The following SEC14L1 variants were observed in gnomAD, a reference collection of about 807,000 sequenced individuals.
SEC14L1 encodes SEC14 like lipid binding 1.
Under a neutral mutation model 85.3 loss-of-function variants are expected in SEC14L1, and 48 were observed. The observed-to-expected ratio is 0.56, with a 90% CI of 0.45 to 0.72. SEC14L1 has a LOEUF of 0.72. Among genes scored for constraint, SEC14L1 ranks in the 30% least tolerant of loss-of-function variants. The pLI is 0.00. For missense variants in SEC14L1, 682 were observed against 921.4 expected, an observed-to-expected ratio of 0.74 and a Z score of 3.36; for synonymous variants, 391 against 355.5, an observed-to-expected ratio of 1.10 and a Z score of -1.12.
At chr17:77,089,813 C>T (rs547506052) in intron 2 of SEC14L1, 10 of 195,728 alleles carry the variant, frequency 5.1e-5, no homozygotes, top group Admixed American at 1.3e-4. Flanking sequence ...GTCAGGAGTT[C>T]GAGACCAGTC....
At chr17:77,092,085 A>C (rs1199811108) in intron 2 of SEC14L1, among the ~76,000 whole-genome samples, 1 of 152,224 alleles carries the variant, frequency 6.6e-6, no homozygotes, top group East Asian at 1.9e-4. Flanking sequence ...CTGGGATTAC[A>C]GGCCTGAGCC....
rs374542568 is a variant in SEC14L1, at chr17:77,212,283, G to A, written c.1863+82G>A. ...CTGTCTTGAGTAGACTCTTTGCTTC[G>A]CTCCTTGAGCAGCCCTGTGTAGCTT... On this transcript the variant is annotated intron_variant, in intron 15 of 16. Coordinates refer to ENST00000436233, the MANE Select transcript of SEC14L1 (RefSeq NM_001143998.2). The A allele has an allele frequency of 1.5e-4, 236 of 1,549,094 alleles. 1 individual carries two copies. Among genetic ancestry groups the A allele is most frequent in the Admixed American group, 2.4e-4 (13 of 55,316 alleles).
chr17:77,215,907 T>C lies in SEC14L1; in HGVS notation c.*1884T>C. The stretch of plus-strand genomic sequence containing the variant: ...AGGTAGGGTTCGTAGGTAGGGCTAG[T>C]AGGTAGGGTTAGTAGGTAGGGTTCG... On this transcript the variant is annotated 3_prime_UTR_variant, in exon 17 of 17. Coordinates refer to ENST00000436233, the MANE Select transcript of SEC14L1 (RefSeq NM_001143998.2). 1.0e-6 allele frequency: 1 copy of C among 969,004 alleles called. No homozygotes were observed. The highest frequency in any genetic ancestry group is 1.2e-6 in the Non-Finnish European group (1 of 824,566). The allele number at this position is 969,004 out of a possible 1,614,324, so 60.0% of individuals were successfully genotyped here.
chr17:77,188,434 C>T (rs1421138932), intron 3 of SEC14L1, among the ~76,000 whole-genome samples: 4 of 148,226 alleles, frequency 2.7e-5, no homozygotes, highest in African/African-American at 1.0e-4. Flanking sequence ...TTTAGCTTAG[C>T]ATAATTCTCC....
intron 3 of SEC14L1, among the ~76,000 whole-genome samples, chr17:77,123,285 A>G (rs1972349774): frequency 1.3e-5 from 2 of 151,340 alleles, no homozygotes; most frequent in Non-Finnish European, 1.5e-5. Context: ...TCTTGACCTC[A>G]TGATCCACCT....
At chr17:77,099,872 A>G (rs1465042905) in intron 3 of SEC14L1, among the ~76,000 whole-genome samples, 1 of 152,234 alleles carries the variant, frequency 6.6e-6, no homozygotes, top group African/African-American at 2.4e-5. Context: ...AGGTATTAAG[A>G]GATCAAAATG....
At chr17:77,208,514 C>G (rs570341461) in intron 13 of SEC14L1, among the ~76,000 whole-genome samples, 34 of 152,226 alleles carry the variant, frequency 2.2e-4, no homozygotes, top group Admixed American at 1.3e-3. Context: ...TTGAACTGTC[C>G]AAAAACTTGG....
chr17:77,165,248 T>C (rs1003570771), intron 3 of SEC14L1, among the ~76,000 whole-genome samples: 14 of 152,128 alleles, frequency 9.2e-5, no homozygotes, highest in Non-Finnish European at 1.3e-4. Context: ...CTGAGACAGG[T>C]CTTAGTTAAT....
intron 3 of SEC14L1, among the ~76,000 whole-genome samples, chr17:77,109,121 C>A (rs933758125): frequency 6.7e-6 from 1 of 149,470 alleles, no homozygotes. Flanking sequence ...CGCACCCAGC[C>A]TGGGGTTTGG....
chr17:77,206,724 A>G lies in SEC14L1; in HGVS notation c.1342-4A>G. 1 of 1,596,934 alleles carries G rather than the reference A, an allele frequency of 6.3e-7. No individual in the cohort carries two copies. Among genetic ancestry groups the G allele is most frequent in the Non-Finnish European group, 8.5e-7 (1 of 1,174,054 alleles). ...ATGACTGCATGGTCTTCTCCTCCTC[A>G]CAGGTTAGTCCGTTCATTGATGACA... is the stretch of plus-strand genomic sequence containing the variant. On this transcript the variant is annotated splice_region_variant and splice_polypyrimidine_tract_variant and intron_variant, in intron 12 of 16. Coordinates refer to ENST00000436233, the MANE Select transcript of SEC14L1 (RefSeq NM_001143998.2). This position sits in a 1 kb window ranked among gnomAD's most constrained non-coding sequence, Gnocchi z 4.3.
Position 77,143,626 on chromosome 17 carries a change from G to A in SEC14L1, c.30G>A (p.Arg10=), listed in dbSNP as rs1567891153. The A allele has an allele frequency of 3.7e-6, 6 of 1,613,288 alleles. No individual in the cohort carries two copies. Among genetic ancestry groups the A allele is most frequent in the South Asian group, 2.2e-5 (2 of 90,958 alleles). ...TGCAGAAATACCAGTCCCCAGTGAG[G>A]GTGTACAAATACCCCTTTGAATTAA... is the stretch of plus-strand genomic sequence containing the variant. The part of the protein sequence containing the change: MVQKYQSPV[R]VYKYPFELIM... The change falls in exon 3 of 17, where the codon AGG becomes AGA. Residue 10 remains arginine (R), a synonymous_variant. Transcript: ENST00000436233.
At chr17:77,208,805 T>C (rs8078674) in intron 13 of SEC14L1, among the ~76,000 whole-genome samples, 24,527 of 152,252 alleles carry the variant, frequency 0.16, 2,403 homozygotes, top group Middle Eastern at 0.22. Flanking sequence ...ATTAGGAGAT[T>C]TATGTTATGT....
At chr17:77,103,373 A>G (rs1971824848) in intron 3 of SEC14L1, among the ~76,000 whole-genome samples, 2 of 151,684 alleles carry the variant, frequency 1.3e-5, no homozygotes. Flanking sequence ...TCGGCCTCCC[A>G]AAGTCCCGGG....
intron 3 of SEC14L1, among the ~76,000 whole-genome samples, chr17:77,101,094 C>G (rs566019614): frequency 4.6e-5 from 7 of 152,106 alleles, no homozygotes; most frequent in Admixed American, 1.3e-4. Flanking sequence ...CAGTCTCTAC[C>G]CAGAAGCAAG....
intron 8 of SEC14L1, among the ~76,000 whole-genome samples, chr17:77,196,908 G>A (rs1975838409): frequency 6.6e-6 from 1 of 152,174 alleles, no homozygotes; most frequent in Non-Finnish European, 1.5e-5. Context: ...ACCGTTTGTT[G>A]TCTTCTTACC....
chr17:77,184,202 T>G (rs1260719229), intron 3 of SEC14L1, among the ~76,000 whole-genome samples: 1 of 152,206 alleles, frequency 6.6e-6, no homozygotes, highest in African/African-American at 2.4e-5. Context: ...GTCCTGTTGC[T>G]GGGGCTCAGT....
intron 7 of SEC14L1, among the ~76,000 whole-genome samples, chr17:77,195,516 A>G (rs1975765091): frequency 6.6e-6 from 1 of 151,900 alleles, no homozygotes; most frequent in African/African-American, 2.4e-5. Context: ...TGAGATAAAA[A>G]AGTCTCTGTC....
chr17:77,196,496 A>C (rs1011071501), intron 8 of SEC14L1, among the ~76,000 whole-genome samples, 185 bp downstream of exon 8: 1 of 152,268 alleles, frequency 6.6e-6, no homozygotes, highest in Non-Finnish European at 1.5e-5. Context: ...GTGATAATGC[A>C]TGACTAACTG....
upstream of SEC14L1, among the ~76,000 whole-genome samples, chr17:77,140,564 T>G (rs1413814215): frequency 6.6e-6 from 1 of 151,976 alleles, no homozygotes; most frequent in African/African-American, 2.4e-5. Context: ...GGTTTTGACC[T>G]CCCGCAAACT....
Sources: allele counts gnomAD v4.1 joint callset (sites outside exome capture counted in the v4.1 genomes callset), GRCh38; gene constraint gnomAD v4.1.1; non-coding constraint Gnocchi (gnomAD v3.1); transcripts MANE v1.5; gene names NCBI Gene and HGNC (gene_info 2026-07-23, HGNC 2026-07-21).